The following PHF14 variants were observed in gnomAD, a reference collection of about 807,000 sequenced individuals.
The protein encoded by PHF14 is PHD finger protein 14.
PHF14 carries 55 observed loss-of-function variants against 117.9 expected under a neutral mutation model. That is an observed-to-expected ratio of 0.47 (90% CI 0.38 to 0.58). The LOEUF (loss-of-function observed/expected upper bound fraction) is 0.58, where lower values mean the gene tolerates loss of function less well. Ranked by LOEUF, PHF14 falls within the 20% of genes least tolerant of loss-of-function variation. The pLI is 0.00. For missense variants in PHF14, 978 were observed against 1,122.2 expected (o/e 0.87, Z 1.84); for synonymous variants, 409 against 368.6 (o/e 1.11, Z -1.26).
intron 16 of PHF14, chr7:11,103,536 C>T: frequency 1.0e-6 from 1 of 985,142 alleles, no homozygotes; most frequent in Non-Finnish European, 1.2e-6. Flanking sequence ...AATATTTCAT[C>T]ACTCAATCTT....
At chr7:11,144,820 A>T (rs1242956452) in intron 17 of PHF14, among the ~76,000 whole-genome samples, 1 of 151,794 alleles carries the variant, frequency 6.6e-6, no homozygotes, top group Non-Finnish European at 1.5e-5. Context: ...CCTTAAGAAC[A>T]TTTTGCCAAG....
chr7:11,168,558 T>C (rs1583520264), intron 17 of PHF14, among the ~76,000 whole-genome samples: 1 of 152,222 alleles, frequency 6.6e-6, no homozygotes. Context: ...TTATTACTGT[T>C]GTCTAGAAAT....
chr7:10,990,785 A>G lies in PHF14; in HGVS notation c.983A>G (p.Asp328Gly). 2 of 1,586,018 alleles carry G rather than the reference A, an allele frequency of 1.3e-6. No homozygotes were observed. The highest frequency in any genetic ancestry group is 2.3e-5 in the East Asian group (1 of 44,150). The change falls in exon 4 of 18, where the codon GAT becomes GGT. Residue 328 changes from aspartate to glycine, a missense_variant. Asp to Gly is a moderately conservative substitution (Grantham distance 94, BLOSUM62 -1). This residue lies in a region of PHF14 where 86 missense variants were observed against 137.8 expected (regional missense o/e 0.62). Coordinates refer to ENST00000634607, the MANE Select transcript of PHF14 (RefSeq NM_001007157.2). ...HILICCVCLG[D>G]NSEDADEIIQ... ...CTGATTTGCTGTGTTTGTCTGGGAGATAATAGTGAGGACGCTGATGAAATA... is the reference window on the plus strand; with the variant it reads ...CTGATTTGCTGTGTTTGTCTGGGAGGTAATAGTGAGGACGCTGATGAAATA...
intron 14 of PHF14, among the ~76,000 whole-genome samples, chr7:11,052,489 G>C (rs1784878332): frequency 6.6e-6 from 1 of 152,062 alleles, no homozygotes. Context: ...CAAGGAGTTT[G>C]TGTATGTATT....
intron 17 of PHF14, among the ~76,000 whole-genome samples, chr7:11,126,815 A>G (rs1308027958): frequency 6.6e-6 from 1 of 151,738 alleles, no homozygotes; most frequent in Non-Finnish European, 1.5e-5. Flanking sequence ...TGACATCATT[A>G]AACAAAAACT....
chr7:11,138,210 T>G (rs567367765), intron 17 of PHF14, among the ~76,000 whole-genome samples: 1 of 151,996 alleles, frequency 6.6e-6, no homozygotes, highest in Non-Finnish European at 1.5e-5. Context: ...CTGGCTAATT[T>G]TTTGTATTTT....
intron 4 of PHF14, among the ~76,000 whole-genome samples, chr7:11,003,451 T>C (rs1017913309): frequency 1.3e-5 from 2 of 152,188 alleles, no homozygotes; most frequent in Non-Finnish European, 2.9e-5. Flanking sequence ...TATTTGGAGA[T>C]TTGAAAAATC....
chr7:11,022,797 T>C (rs1325296605), intron 5 of PHF14, 71 bp from the exon 6 acceptor site: 1 of 784,122 alleles, frequency 1.3e-6, no homozygotes, highest in African/African-American at 1.8e-5. Context: ...GGCAAGCGTT[T>C]TATATGTTTG....
chr7:11,016,638 A>G (rs1261208243), intron 5 of PHF14, among the ~76,000 whole-genome samples: 1 of 152,136 alleles, frequency 6.6e-6, no homozygotes, highest in African/African-American at 2.4e-5. Flanking sequence ...ATGTATATTC[A>G]TGGGGTACAT....
At chr7:11,075,420 T>A (rs1286915917) in intron 16 of PHF14, among the ~76,000 whole-genome samples, 1 of 152,078 alleles carries the variant, frequency 6.6e-6, no homozygotes, top group East Asian at 1.9e-4. Flanking sequence ...AAGGCCTCAG[T>A]AAACTTACAA....
At chr7:11,076,963 AATAT>A (rs957683157) in intron 16 of PHF14, among the ~76,000 whole-genome samples, 4 of 151,474 alleles carry the variant, frequency 2.6e-5, no homozygotes, top group African/African-American at 7.3e-5. Context: ...ATATAATACT[AATAT>A]ATATGTTGTA....
At chr7:11,004,073 C>T (rs1782980992) in intron 4 of PHF14, among the ~76,000 whole-genome samples, 1 of 151,524 alleles carries the variant, frequency 6.6e-6, no homozygotes, top group Non-Finnish European at 1.5e-5. Context: ...TGTGGTGAAA[C>T]CCTGTCTCTA....
chr7:11,138,365 C>A (rs754891086), intron 17 of PHF14, among the ~76,000 whole-genome samples: 2 of 151,996 alleles, frequency 1.3e-5, no homozygotes, highest in African/African-American at 2.4e-5. Flanking sequence ...AAAGAGACTC[C>A]TTACAAGGTG....
intron 11 of PHF14, among the ~76,000 whole-genome samples, 168 bp from the exon 12 acceptor site, chr7:11,040,504 A>G (rs1198197571): frequency 1.3e-5 from 2 of 152,130 alleles, no homozygotes; most frequent in Non-Finnish European, 2.9e-5. Context: ...GGAAATAACT[A>G]TTAGAAAAAA....
chr7:11,159,169 T>C (rs141335312), intron 17 of PHF14, among the ~76,000 whole-genome samples: 1 of 152,084 alleles, frequency 6.6e-6, no homozygotes, highest in African/African-American at 2.4e-5. Context: ...TAAGAAAATT[T>C]GTTACCTTTC....
Position 11,035,623 on chromosome 7 carries a change from G to A in PHF14, c.1456-17G>A. 1.3e-6 allele frequency: 2 copies of A among 1,532,052 alleles called. No homozygotes were observed. Among genetic ancestry groups the A allele is most frequent in the African/African-American group, 1.4e-5 (1 of 72,280 alleles). The allele number at this position is 1,532,052 out of a possible 1,614,324, so 94.9% of individuals were successfully genotyped here. ...GAGTACAAATGTTCACTATTTTTCT[G>A]TGCTTTCTTTGTATAGGATATAGCA... On this transcript the variant is annotated splice_polypyrimidine_tract_variant and intron_variant, in intron 7 of 17. Transcript: ENST00000634607.
chr7:11,151,596 TTCTTAAC>T (rs1788703159), intron 17 of PHF14, among the ~76,000 whole-genome samples: 1 of 152,080 alleles, frequency 6.6e-6, no homozygotes, highest in African/African-American at 2.4e-5. Flanking sequence ...GTTGTTGTTG[TTCTTAAC>T]TGTAGCATTG....
intron 17 of PHF14, among the ~76,000 whole-genome samples, chr7:11,162,151 C>G (rs747457750): frequency 3.2e-5 from 4 of 123,560 alleles, no homozygotes; most frequent in Non-Finnish European, 6.4e-5. Flanking sequence ...TGCAGTGGTG[C>G]AATCCTGGCT....
chr7:10,983,059 G>C lies in PHF14; in HGVS notation c.800G>C (p.Gly267Ala). The C allele has an allele frequency of 6.3e-7, 1 of 1,597,528 alleles. No homozygotes were observed. Among genetic ancestry groups the C allele is most frequent in the Non-Finnish European group, 8.5e-7 (1 of 1,177,940 alleles). ...CATAGTAGCCCTGCCAGTGAAGGGG[G>C]TTGCAAGAAGAAGAAGAGTAAAGTT... ...EDHSSPASEG[G>A]CKKKKSKVLS... The change falls in exon 3 of 18, where the codon GGT becomes GCT. Residue 267 changes from glycine to alanine, a missense_variant. Physicochemically the swap from Gly to Ala is moderately conservative, Grantham distance 60. Around this residue, in one of 7 missense-constraint regions of PHF14, gnomAD observed 414 missense variants for 376.4 expected, o/e 1.10. Transcript: ENST00000634607.
Sources: allele counts gnomAD v4.1 joint callset (sites outside exome capture counted in the v4.1 genomes callset), GRCh38; gene constraint gnomAD v4.1.1; regional missense constraint gnomAD v4.1.1; transcripts MANE v1.5; gene names NCBI Gene and HGNC (gene_info 2026-07-23, HGNC 2026-07-21).